The following KCNK13 variants were observed in gnomAD, a reference collection of about 807,000 sequenced individuals.
KCNK13 encodes potassium channel subfamily K member 13.
KCNK13 carries 12 observed loss-of-function variants against 23.4 expected under a neutral mutation model. That is an observed-to-expected ratio of 0.51 (90% CI 0.33 to 0.83). The LOEUF is 0.83. KCNK13 is among the 40% of genes least tolerant of loss of function. The pLI is 0.02. For missense variants in KCNK13, 463 were observed against 556.3 expected (o/e 0.83, Z 1.69); for synonymous variants, 231 against 229.5 (o/e 1.01, Z -0.06).
intron 1 of KCNK13, among the ~76,000 whole-genome samples, chr14:90,150,650 A>G (rs187337490): frequency 6.6e-6 from 1 of 152,286 alleles, no homozygotes; most frequent in Non-Finnish European, 1.5e-5. Context: ...GAACTTCTTC[A>G]AGGAAGCCCA....
At chr14:90,157,389 C>T (rs1321500353) in intron 1 of KCNK13, among the ~76,000 whole-genome samples, 2 of 152,110 alleles carry the variant, frequency 1.3e-5, no homozygotes, top group Non-Finnish European at 2.9e-5. Flanking sequence ...AAAGTGTCGG[C>T]ATTTATTTAG....
chr14:90,104,372 A>G (rs150976232), intron 1 of KCNK13, among the ~76,000 whole-genome samples: 89 of 152,230 alleles, frequency 5.8e-4, no homozygotes, highest in Admixed American at 2.2e-3. Flanking sequence ...TTTGAAATCT[A>G]TGATCATATA....
chr14:90,096,403 T>C (rs770979818), intron 1 of KCNK13, among the ~76,000 whole-genome samples: 2 of 152,186 alleles, frequency 1.3e-5, no homozygotes, highest in African/African-American at 2.4e-5. Flanking sequence ...GAGTTATACA[T>C]CAGGAACCAG....
rs559771617 is a variant in KCNK13 at position 90,178,698 on chromosome 14, A to G, written c.335-5413A>G. Reference sequence around the variant, plus strand: ...AATAAATATATAAATAAAAACAGAAAAAAAGTGTCTGACACATATTCCCAA... The same window carrying G: ...AATAAATATATAAATAAAAACAGAAGAAAAGTGTCTGACACATATTCCCAA... On this transcript the variant is annotated intron_variant, in intron 1 of 1. Transcript: ENST00000282146. Among the ~76,000 whole-genome samples the G allele has an allele frequency of 3.9e-5, 6 of 152,332 alleles. No individual in the cohort carries two copies. The South Asian group carries it at 1.2e-3, about 32-fold the overall frequency.
chr14:90,178,135 G>A (rs1160274195), intron 1 of KCNK13, among the ~76,000 whole-genome samples: 1 of 147,706 alleles, frequency 6.8e-6, no homozygotes, highest in Non-Finnish European at 1.5e-5. Context: ...TATTTAGGTT[G>A]CTGAGGATTT....
chr14:90,134,778 G>A (rs1310391190), intron 1 of KCNK13, among the ~76,000 whole-genome samples: 1 of 152,058 alleles, frequency 6.6e-6, no homozygotes, highest in African/African-American at 2.4e-5. Context: ...GATTATGAAT[G>A]GTGTTTTGCA....
intron 1 of KCNK13, among the ~76,000 whole-genome samples, chr14:90,085,087 C>G (rs568389245): frequency 6.6e-6 from 1 of 151,844 alleles, no homozygotes; most frequent in Non-Finnish European, 1.5e-5. Flanking sequence ...AGATTACAGG[C>G]GTGTGCCACG....
intron 1 of KCNK13, among the ~76,000 whole-genome samples, chr14:90,069,198 A>G (rs1164949054): frequency 1.7e-4 from 26 of 151,712 alleles, no homozygotes; most frequent in Non-Finnish European, 7.4e-5. Context: ...CACCACACCC[A>G]GCTAATTTTT....
chr14:90,156,545 C>T (rs1890197543), intron 1 of KCNK13, among the ~76,000 whole-genome samples: 1 of 152,118 alleles, frequency 6.6e-6, no homozygotes, highest in Non-Finnish European at 1.5e-5. Context: ...ACTAAAGCCA[C>T]ATAGAATTGT....
intron 1 of KCNK13, among the ~76,000 whole-genome samples, chr14:90,175,374 C>A (rs1428707029): frequency 6.6e-6 from 1 of 152,128 alleles, no homozygotes; most frequent in Non-Finnish European, 1.5e-5. Flanking sequence ...TTCTTATAGC[C>A]CAATTTGGGA....
At chr14:90,129,431 C>G (rs1045083144) in intron 1 of KCNK13, among the ~76,000 whole-genome samples, 3 of 152,034 alleles carry the variant, frequency 2.0e-5, no homozygotes, top group African/African-American at 7.2e-5. Context: ...TGCGCCCCAT[C>G]CCCAGTACTT....
chr14:90,100,824 T>C (rs1390481688), intron 1 of KCNK13, among the ~76,000 whole-genome samples: 1 of 152,054 alleles, frequency 6.6e-6, no homozygotes, highest in African/African-American at 2.4e-5. Context: ...CTCCAGCAGC[T>C]GGGACCACAG....
chr14:90,154,919 AAAT>A (rs1403529863), intron 1 of KCNK13, among the ~76,000 whole-genome samples: 2 of 152,242 alleles, frequency 1.3e-5, no homozygotes, highest in Non-Finnish European at 2.9e-5. Context: ...GTACAAATGA[AAAT>A]AATATTTGTT....
intron 1 of KCNK13, among the ~76,000 whole-genome samples, chr14:90,069,030 CTTT>C (rs34881625): frequency 2.2e-5 from 2 of 90,118 alleles, no homozygotes; most frequent in South Asian, 4.2e-4. Context: ...AGTTTTTATT[CTTT>C]TTTTTTTTTT....
At chr14:90,134,106 T>A (rs1450073365) in intron 1 of KCNK13, among the ~76,000 whole-genome samples, 3 of 152,158 alleles carry the variant, frequency 2.0e-5, no homozygotes, top group Admixed American at 2.0e-4. Flanking sequence ...TGGTCCCAGT[T>A]ACTCGGGAGG....
At position 90,137,643 on chromosome 14, in the gene KCNK13, C is replaced by T. The variant is rs142382730; in HGVS notation, c.335-46468C>T. On this transcript the variant is annotated intron_variant, in intron 1 of 1. Transcript: ENST00000282146. ...GCCCCAGTCTTGTTTTAAAATGACA[C>T]GTTGAGAACAAATGAAAGAAGGCTA... is the stretch of plus-strand genomic sequence containing the variant. 3.1e-3 allele frequency among the ~76,000 whole-genome samples: 476 copies of T among 152,050 alleles called. 10 individuals carry two copies. The highest frequency in any genetic ancestry group is 0.025 in the Admixed American group (388 of 15,248).
intron 1 of KCNK13, among the ~76,000 whole-genome samples, chr14:90,169,427 C>T (rs1413138595): frequency 1.3e-5 from 2 of 152,192 alleles, no homozygotes. Flanking sequence ...TACCTCCTCT[C>T]CTTGCTGTCA....
chr14:90,149,004 G>A (rs1257349821), intron 1 of KCNK13, among the ~76,000 whole-genome samples: 2 of 152,198 alleles, frequency 1.3e-5, no homozygotes, highest in African/African-American at 2.4e-5. Context: ...ATTGCATGGT[G>A]TATTAGTCCG....
intron 1 of KCNK13, among the ~76,000 whole-genome samples, chr14:90,176,628 T>C (rs777484837): frequency 6.6e-5 from 10 of 152,212 alleles, no homozygotes; most frequent in Non-Finnish European, 1.3e-4. Flanking sequence ...CCTCGGAGTA[T>C]TGAGAAGAAT....
Sources: gnomAD v4.1 joint callset for allele counts (sites outside exome capture counted in the v4.1 genomes callset) on GRCh38, gnomAD v4.1.1 for gene constraint, MANE v1.5 for transcripts, NCBI Gene and HGNC (gene_info 2026-07-23, HGNC 2026-07-21) for gene names.